The following OLFML2B variants were observed in gnomAD, a reference collection of about 807,000 sequenced individuals.
OLFML2B encodes the protein olfactomedin-like protein 2B.
In OLFML2B, 57 loss-of-function variants were observed where a neutral mutation model predicts 74.9. The ratio of observed to expected loss-of-function variants is 0.76; its 90% CI spans 0.61 to 0.95. The LOEUF is 0.95. Among genes scored for constraint, OLFML2B ranks in the 40% least tolerant of loss-of-function variants. The probability of loss-of-function intolerance (pLI) is 0.00; values close to 1 mark genes in which losing one functional copy is unlikely to be tolerated. For synonymous variants in OLFML2B, 388 were observed against 405.8 expected, an observed-to-expected ratio of 0.96 and a Z score of 0.53; for missense variants, 986 against 970.6, an observed-to-expected ratio of 1.02 and a Z score of -0.21.
At chr1:162,000,453 G>C in intron 4 of OLFML2B, 115 bp from the exon 5 acceptor site, 2 of 721,994 alleles carry the variant, frequency 2.8e-6, no homozygotes, top group South Asian at 3.4e-5. Flanking sequence ...CTTCCGAAGA[G>C]CCAGGCACTG....
intron 6 of OLFML2B, among the ~76,000 whole-genome samples, chr1:161,991,398 T>G (rs1689739383): frequency 6.6e-6 from 1 of 152,160 alleles, no homozygotes; most frequent in South Asian, 2.1e-4. Context: ...CATGAGAGCT[T>G]TTGGGTGATT....
intron 3 of OLFML2B, among the ~76,000 whole-genome samples, chr1:162,016,026 A>G (rs2101977498): frequency 6.6e-6 from 1 of 152,342 alleles, no homozygotes; most frequent in East Asian, 1.9e-4. Context: ...GCTAAGCCCA[A>G]GGGCGGGTGG....
rs367780382 is a variant in OLFML2B, at chr1:161,986,702, C to T, written c.1475-1722G>A. ...AAAGCTCTCATTCCCTGGAGCTAAGCAGGGCCCTGGCTGCCAATGAGGACG... is the reference window on the plus strand; with the variant it reads ...AAAGCTCTCATTCCCTGGAGCTAAGTAGGGCCCTGGCTGCCAATGAGGACG... On this transcript the variant is annotated intron_variant, in intron 6 of 7. Transcript: ENST00000294794. Among the ~76,000 whole-genome samples, 34 of 152,362 alleles carry T rather than the reference C, an allele frequency of 2.2e-4. No individual in the cohort carries two copies. The East Asian group carries it at 6.0e-3, about 27-fold the overall frequency.
chr1:162,014,076 G>T (rs559465093), intron 3 of OLFML2B, among the ~76,000 whole-genome samples: 1 of 152,198 alleles, frequency 6.6e-6, no homozygotes, highest in African/African-American at 2.4e-5. Flanking sequence ...GTTCCCCTGA[G>T]GGAAGGGTAT....
chr1:162,017,589 G>A, intron 2 of OLFML2B, 82 bp from the exon 3 acceptor site: 1 of 964,180 alleles, frequency 1.0e-6, no homozygotes, highest in South Asian at 1.7e-5. Flanking sequence ...TGCATACTGG[G>A]GGCTCGACAG....
At chr1:162,016,087 T>A (rs1405692583) in intron 3 of OLFML2B, among the ~76,000 whole-genome samples, 2 of 152,090 alleles carry the variant, frequency 1.3e-5, no homozygotes, top group African/African-American at 2.4e-5. Context: ...GTGGAAGGAG[T>A]GTGTTGAAAC....
At position 162,023,508 on chromosome 1, in the gene OLFML2B, A is replaced by AG; in HGVS notation, c.-79dup. ...GGGTCTCGGCAAGGACTTCTGCGAG[A>AG]GGGTGTCCTCGCTAGAGCCCGAAAG... On this transcript the variant is annotated 5_prime_UTR_variant, in exon 1 of 8. Coordinates refer to ENST00000294794, the MANE Select transcript of OLFML2B (RefSeq NM_015441.3). 1 of 1,360,918 alleles carries AG rather than the reference A, an allele frequency of 7.3e-7. No individual in the cohort carries two copies. Among genetic ancestry groups the AG allele is most frequent in the Non-Finnish European group, 9.7e-7 (1 of 1,034,410 alleles). The allele number at this position is 1,360,918 out of a possible 1,614,324, so 84.3% of individuals were successfully genotyped here. A position where few individuals can be genotyped will look rare whatever the true frequency, so the allele number is the denominator to read the frequency against.
At chr1:162,003,495 G>C (rs1690135667) in intron 4 of OLFML2B, among the ~76,000 whole-genome samples, 1 of 152,230 alleles carries the variant, frequency 6.6e-6, no homozygotes, top group South Asian at 2.1e-4. Flanking sequence ...CCTTGCCAGA[G>C]AACATATAAT....
At position 161,990,790 on chromosome 1, in the gene OLFML2B, T is replaced by C. The variant is rs191506600; in HGVS notation, c.1475-5810A>G. Among the ~76,000 whole-genome samples the C allele has an allele frequency of 3.4e-3, 511 of 152,366 alleles. 4 individuals carry two copies. The highest frequency in any genetic ancestry group is 0.012 in the African/African-American group (491 of 41,574). ...TGTTTGATAGCATTTTACCCCATAG[T>C]AGAACTTCTTTCAAAATTTGAGTCA... On this transcript the variant is annotated intron_variant, in intron 6 of 7. Coordinates refer to ENST00000294794, the MANE Select transcript of OLFML2B (RefSeq NM_015441.3).
At chr1:161,996,514 T>C (rs965384052) in intron 6 of OLFML2B, among the ~76,000 whole-genome samples, 3 of 152,056 alleles carry the variant, frequency 2.0e-5, no homozygotes, top group Non-Finnish European at 4.4e-5. Flanking sequence ...GCAAGAAAAA[T>C]GGGAGAAGGG....
rs182259422 is a variant in OLFML2B at position 162,003,820 on chromosome 1, C to T, written c.723+2477G>A. Among the ~76,000 whole-genome samples the T allele has an allele frequency of 3.1e-3, 478 of 152,246 alleles. 9 individuals carry two copies. The highest frequency in any genetic ancestry group is 1.1e-3 in the Non-Finnish European group (72 of 68,024). On this transcript the variant is annotated intron_variant, in intron 4 of 7. Transcript: ENST00000294794. ...AAAATGAACAACTAAACCCAGCGCC[C>T]CTTCCACCCGCTTTTTGGCATGGGG...
At chr1:161,997,457 T>C (rs1442906412) in intron 6 of OLFML2B, among the ~76,000 whole-genome samples, 1 of 152,188 alleles carries the variant, frequency 6.6e-6, no homozygotes, top group Non-Finnish European at 1.5e-5. Context: ...TGTTCTTTTA[T>C]GGCTTGGTAA....
intron 6 of OLFML2B, among the ~76,000 whole-genome samples, chr1:161,988,636 C>T (rs1689653922): frequency 6.6e-6 from 1 of 151,104 alleles, no homozygotes; most frequent in South Asian, 2.1e-4. Context: ...CGCCCACCTG[C>T]CTGGTCTGGC....
chr1:162,003,334 C>T (rs758950317), intron 4 of OLFML2B, among the ~76,000 whole-genome samples: 64 of 152,222 alleles, frequency 4.2e-4, no homozygotes, highest in Non-Finnish European at 7.8e-4. Flanking sequence ...ATCTAATTAC[C>T]GGACCCTGGT....
At chr1:161,995,736 C>T (rs902850165) in intron 6 of OLFML2B, among the ~76,000 whole-genome samples, 4 of 152,196 alleles carry the variant, frequency 2.6e-5, no homozygotes, top group Non-Finnish European at 4.4e-5. Context: ...GTCCTACCTG[C>T]AGCCTGTCTT....
chr1:161,997,931 T>A lies in OLFML2B; in HGVS notation c.1368A>T (p.Thr456=). The change falls in exon 6 of 8, where the codon ACA becomes ACT. Residue 456 remains threonine, a synonymous_variant. Coordinates refer to ENST00000294794, the MANE Select transcript of OLFML2B (RefSeq NM_015441.3). ...CTTTCCCCAGCGAGTCTGTTCTGACTGTGGTGGGAGGCACTGGGACTGTGT... is the reference window on the plus strand; with the variant it reads ...CTTTCCCCAGCGAGTCTGTTCTGACAGTGGTGGGAGGCACTGGGACTGTGT... ...AMHTVPVPPT[T]VRTDSLGKDA... 1.2e-6 allele frequency: 2 copies of A among 1,614,220 alleles called. No individual in the cohort carries two copies. The highest frequency in any genetic ancestry group is 1.7e-6 in the Non-Finnish European group (2 of 1,180,036).
chr1:161,997,766 C>T, intron 6 of OLFML2B, 59 bp downstream of exon 6: 1 of 1,519,636 alleles, frequency 6.6e-7, no homozygotes, highest in Non-Finnish European at 8.9e-7. Flanking sequence ...AAGATATTTC[C>T]AGGCTCAGCC....
At chr1:162,009,936 C>T (rs559993160) in intron 3 of OLFML2B, among the ~76,000 whole-genome samples, 4 of 152,226 alleles carry the variant, frequency 2.6e-5, no homozygotes, top group Non-Finnish European at 5.9e-5. Context: ...TAGGTGAACC[C>T]CATGACCTCA....
chr1:162,006,322 G>T lies in OLFML2B; in HGVS notation c.698C>A (p.Ala233Glu), dbSNP rs192838019. 1.2e-6 allele frequency: 2 copies of T among 1,601,118 alleles called. No individual in the cohort carries two copies. The highest frequency in any genetic ancestry group is 4.5e-5 in the East Asian group (2 of 44,652). ...CTCTGGGTGGGCGTAGGCTGCTGCTGCATCCCTCTGCAGGGCTGAGCGGAT... is the reference window on the plus strand; with the variant it reads ...CTCTGGGTGGGCGTAGGCTGCTGCTTCATCCCTCTGCAGGGCTGAGCGGAT... ...PDIRSALQRDAAAAYAHPEYE... is the reference protein window; with the variant it reads ...PDIRSALQRDEAAAYAHPEYE... The change falls in exon 4 of 8, where the codon GCA becomes GAA. Residue 233 changes from alanine (A) to glutamate (E), a missense_variant. Coordinates refer to ENST00000294794, the MANE Select transcript of OLFML2B (RefSeq NM_015441.3).
Sources: gnomAD v4.1 joint callset for allele counts (sites outside exome capture counted in the v4.1 genomes callset) on GRCh38, gnomAD v4.1.1 for gene constraint, MANE v1.5 for transcripts, NCBI Gene and HGNC (gene_info 2026-07-23, HGNC 2026-07-21) for gene names.